The following VPS13D variants were observed in gnomAD, a reference collection of about 807,000 sequenced individuals.
VPS13D encodes intermembrane lipid transfer protein VPS13D.
Under a neutral mutation model 461.9 loss-of-function variants are expected in VPS13D, and 187 were observed. The observed-to-expected ratio is 0.40, with a 90% CI of 0.36 to 0.46. The LOEUF (loss-of-function observed/expected upper bound fraction) is 0.46. Ranked by LOEUF, VPS13D falls within the 20% of genes least tolerant of loss-of-function variation. The pLI, the probability that VPS13D is intolerant of heterozygous loss-of-function variation, is 0.60. For synonymous variants in VPS13D, 1,951 were observed against 1,986.3 expected, an observed-to-expected ratio of 0.98 and a Z score of 0.47; for missense variants, 4,711 against 5,364.9, an observed-to-expected ratio of 0.88 and a Z score of 3.81.
chr1:12,342,302 C>G (rs1437933291), intron 41 of VPS13D, among the ~76,000 whole-genome samples: 6 of 152,188 alleles, frequency 3.9e-5, no homozygotes, highest in Admixed American at 1.3e-4. Context: ...CTAAAGAATT[C>G]TTTCATACCT....
rs116390814 is a variant in VPS13D, at chr1:12,435,334, G to A, written c.12333+18507G>A. Among the ~76,000 whole-genome samples the A allele has an allele frequency of 3.6e-3, 542 of 151,866 alleles. 4 individuals carry two copies. The highest frequency in any genetic ancestry group is 0.013 in the African/African-American group (522 of 41,430). On this transcript the variant is annotated intron_variant, in intron 65 of 69. Coordinates refer to ENST00000620676, the MANE Select transcript of VPS13D (RefSeq NM_015378.4). ...AAATTAGCTGGGCGTGGTGGCACCC[G>A]CCTGTAGTCACACCTACATGGGAGG...
At chr1:12,308,064 A>G (rs1642617514) in intron 26 of VPS13D, among the ~76,000 whole-genome samples, 3 of 152,124 alleles carry the variant, frequency 2.0e-5, no homozygotes, top group South Asian at 4.1e-4. Flanking sequence ...AAAGTTTGTA[A>G]ACCTTTTGGT....
intron 2 of VPS13D, among the ~76,000 whole-genome samples, chr1:12,239,598 G>C (rs1640278412): frequency 6.6e-6 from 1 of 152,230 alleles, no homozygotes; most frequent in Admixed American, 6.5e-5. Context: ...CAAGGAATCT[G>C]AACTTCAGCC....
intron 65 of VPS13D, among the ~76,000 whole-genome samples, chr1:12,420,200 G>A (rs761533701): frequency 2.0e-5 from 3 of 152,190 alleles, no homozygotes; most frequent in Non-Finnish European, 4.4e-5. Context: ...TACCCATTCA[G>A]GTCATCTGTG....
chr1:12,256,309 A>G (rs1422271322), intron 7 of VPS13D, 24 bp from the exon 8 acceptor site: 1 of 1,611,108 alleles, frequency 6.2e-7, no homozygotes, highest in Admixed American at 1.7e-5. Flanking sequence ...TTCGGAGCAG[A>G]GCAGGTGTTC....
At chr1:12,421,995 T>C (rs1185132925) in intron 65 of VPS13D, among the ~76,000 whole-genome samples, 3 of 152,162 alleles carry the variant, frequency 2.0e-5, no homozygotes, top group African/African-American at 4.8e-5. Flanking sequence ...CATGCTCGAC[T>C]AATTTGTATT....
At chr1:12,433,118 C>G (rs1447644549) in intron 65 of VPS13D, among the ~76,000 whole-genome samples, 1 of 152,250 alleles carries the variant, frequency 6.6e-6, no homozygotes, top group Non-Finnish European at 1.5e-5. Flanking sequence ...AGGGGCCACC[C>G]TCTTGTTCTG....
intron 13 of VPS13D, among the ~76,000 whole-genome samples, chr1:12,263,423 T>C (rs1439759532): frequency 6.6e-6 from 1 of 152,102 alleles, no homozygotes; most frequent in Admixed American, 6.5e-5. Context: ...AATGACAGAG[T>C]GCCATGAGGA....
In VPS13D at chr1:12,277,191, C is replaced by G. The variant is rs1460591016; in HGVS notation, c.3603C>G (p.Thr1201=). 6 of 1,614,150 alleles carry G rather than the reference C, an allele frequency of 3.7e-6. No individual in the cohort carries two copies. Among genetic ancestry groups the G allele is most frequent in the South Asian group, 1.1e-5 (1 of 91,076 alleles). Residue 1201 remains threonine, a synonymous_variant, in exon 19 of 70, where the codon ACC becomes ACG. Transcript: ENST00000620676. The part of the protein sequence containing the change: ...RKIATASIGG[T]KVNVSMGSTF... ...TTGCAACTGCAAGTATAGGTGGCACCAAAGTTAATGTCTCAATGGGTAGCA... is the reference window on the plus strand; with the variant it reads ...TTGCAACTGCAAGTATAGGTGGCACGAAAGTTAATGTCTCAATGGGTAGCA...
At chr1:12,301,788 T>C (rs543900899) in intron 25 of VPS13D, among the ~76,000 whole-genome samples, 1 of 152,330 alleles carries the variant, frequency 6.6e-6, no homozygotes, top group South Asian at 2.1e-4. Flanking sequence ...TCTAAAGCTA[T>C]TTAAGGGTTT....
intron 2 of VPS13D, among the ~76,000 whole-genome samples, chr1:12,236,297 G>A (rs558684316): frequency 8.3e-4 from 126 of 152,250 alleles, no homozygotes; most frequent in African/African-American, 2.9e-3. Context: ...GAATGGCTTC[G>A]TAAAGAAGTT....
At chr1:12,375,580 T>C (rs1241096425) in intron 55 of VPS13D, among the ~76,000 whole-genome samples, 1 of 152,210 alleles carries the variant, frequency 6.6e-6, no homozygotes, top group Non-Finnish European at 1.5e-5. Flanking sequence ...GTGTAACTCA[T>C]CCTCCGTCAC....
At chr1:12,399,535 G>A (rs1361201343) in intron 60 of VPS13D, among the ~76,000 whole-genome samples, 1 of 152,000 alleles carries the variant, frequency 6.6e-6, no homozygotes. Flanking sequence ...ATTGTGTATA[G>A]TTGGCTGAGT....
At chr1:12,284,172 C>T (rs1053631070) in intron 21 of VPS13D, among the ~76,000 whole-genome samples, 3 of 152,166 alleles carry the variant, frequency 2.0e-5, no homozygotes, top group Admixed American at 1.3e-4. Flanking sequence ...AGGGCAACAG[C>T]GTAACTGTTA....
At position 12,509,960 on chromosome 1, in the gene VPS13D, T is replaced by A. The variant is rs1570310513; in HGVS notation, c.*936T>A. The A allele has an allele frequency of 6.6e-6, 1 of 152,218 alleles. No homozygotes were observed. The highest frequency in any genetic ancestry group is 1.9e-4 in the East Asian group (1 of 5,206). 9.4% of individuals were successfully genotyped at this position (152,218 alleles called of 1,614,324 possible). A position where few individuals can be genotyped will look rare whatever the true frequency, so the allele number is the denominator to read the frequency against. ...ATCCACATAAAAGTGCTCTCCTGCC[T>A]GGGCAGCAACAACCAAGAACAAAGC... is the stretch of plus-strand genomic sequence containing the variant. On this transcript the variant is annotated 3_prime_UTR_variant, in exon 70 of 70. Transcript: ENST00000620676.
intron 68 of VPS13D, 62 bp from the exon 69 acceptor site, chr1:12,506,791 C>T: frequency 6.3e-7 from 1 of 1,577,850 alleles, no homozygotes; most frequent in Non-Finnish European, 8.6e-7. Flanking sequence ...CCGCAGTGGG[C>T]CTCCCCCTGA....
intron 53 of VPS13D, 132 bp downstream of exon 53, chr1:12,368,723 T>C: frequency 8.9e-7 from 1 of 1,117,504 alleles, no homozygotes; most frequent in Non-Finnish European, 1.2e-6. Flanking sequence ...AGGTTCTTTA[T>C]ATCTGGACAA....
chr1:12,373,095 G>GTT (rs571503565), intron 54 of VPS13D, among the ~76,000 whole-genome samples: 1,047 of 36,960 alleles, frequency 0.028, 92 homozygotes, highest in African/African-American at 0.072. Flanking sequence ...GTCTGGCTTG[G>GTT]TTTTTTTTTT....
rs1646154988 is a variant in VPS13D, at chr1:12,509,331, A to G, written c.*307A>G. The G allele has an allele frequency of 3.7e-6, 1 of 272,478 alleles. No homozygotes were observed. The highest frequency in any genetic ancestry group is 6.9e-6 in the Non-Finnish European group (1 of 144,940). The allele number at this position is 272,478 out of a possible 1,614,324, so 16.9% of individuals were successfully genotyped here. On this transcript the variant is annotated 3_prime_UTR_variant, in exon 70 of 70. Transcript: ENST00000620676. ...GTATTTTGTTAACATGTATATATGT[A>G]CAACAGTGTGTTTGTAAATATATAG...
Sources: allele counts gnomAD v4.1 joint callset (sites outside exome capture counted in the v4.1 genomes callset), GRCh38; gene constraint gnomAD v4.1.1; transcripts MANE v1.5; gene names NCBI Gene and HGNC (gene_info 2026-07-23, HGNC 2026-07-21).